KIF14: variants seen among roughly 807,000 people sequenced by gnomAD.
KIF14 encodes the protein kinesin-like protein KIF14.
Under a neutral mutation model 176.2 loss-of-function variants are expected in KIF14, and 98 were observed. That is an observed-to-expected ratio of 0.56 (90% CI 0.47 to 0.66). KIF14 has a LOEUF of 0.66. Among genes scored for constraint, KIF14 ranks in the 30% least tolerant of loss-of-function variants. The pLI is 0.00. For synonymous variants in KIF14, 566 were observed against 632.2 expected, an observed-to-expected ratio of 0.90 and a Z score of 1.57; for missense variants, 1,751 against 1,920.4, an observed-to-expected ratio of 0.91 and a Z score of 1.65.
At chr1:200,591,469 T>G (rs1659048098) in intron 16 of KIF14, among the ~76,000 whole-genome samples, 2 of 152,252 alleles carry the variant, frequency 1.3e-5, no homozygotes, top group Admixed American at 1.3e-4. Context: ...TCAAAATTCT[T>G]TAATGTTTCC....
At chr1:200,611,306 G>GA (rs1660144154) in intron 4 of KIF14, among the ~76,000 whole-genome samples, 1 of 152,186 alleles carries the variant, frequency 6.6e-6, no homozygotes, top group Non-Finnish European at 1.5e-5. Context: ...GGAGCTGTGG[G>GA]AAAATATGAG....
At chr1:200,567,814 A>T (rs1309617404) in intron 23 of KIF14, among the ~76,000 whole-genome samples, 2 of 151,922 alleles carry the variant, frequency 1.3e-5, no homozygotes, top group Non-Finnish European at 2.9e-5. Context: ...ATATTAAAAA[A>T]CTAGAACAAA....
At chr1:200,575,426 CAT>C (rs758484151) in intron 22 of KIF14, among the ~76,000 whole-genome samples, 163 bp downstream of exon 22, 28 of 152,072 alleles carry the variant, frequency 1.8e-4, no homozygotes, top group Non-Finnish European at 3.7e-4. Flanking sequence ...TGACCAATAA[CAT>C]ATTATTCCTC....
intron 14 of KIF14, among the ~76,000 whole-genome samples, chr1:200,596,843 C>T (rs750117340): frequency 1.7e-4 from 25 of 147,486 alleles, no homozygotes; most frequent in Non-Finnish European, 2.8e-4. Context: ...GGATTATAGG[C>T]GTGAGCCACC....
At chr1:200,562,082 C>T (rs139948489) in intron 25 of KIF14, among the ~76,000 whole-genome samples, 2 of 152,284 alleles carry the variant, frequency 1.3e-5, no homozygotes, top group East Asian at 1.9e-4. Flanking sequence ...TTTCTCCTGG[C>T]CTGCTTTGGG....
intron 4 of KIF14, 25 bp downstream of exon 4, chr1:200,614,293 G>C (rs1258413849): frequency 7.9e-7 from 1 of 1,258,152 alleles, no homozygotes. Context: ...CTGAAAAGAA[G>C]CTTGCAGGTA....
intron 25 of KIF14, among the ~76,000 whole-genome samples, chr1:200,561,844 C>T (rs116238849): frequency 2.2e-4 from 33 of 152,208 alleles, no homozygotes; most frequent in African/African-American, 7.2e-4. Flanking sequence ...TGAACTTTTC[C>T]TGTTCTGATA....
rs16846885 is a variant in KIF14 at position 200,556,262 on chromosome 1, A to C, written c.4354-808T>G. Among the ~76,000 whole-genome samples, 1,205 of 152,164 alleles carry C rather than the reference A, an allele frequency of 7.9e-3. 11 individuals carry two copies. Among genetic ancestry groups the C allele is most frequent in the African/African-American group, 0.026 (1,079 of 41,512 alleles). On this transcript the variant is annotated intron_variant, in intron 27 of 29. Coordinates refer to ENST00000367350, the MANE Select transcript of KIF14 (RefSeq NM_014875.3). ...TTTCAGTGTTTAATTGGCTTTACTC[A>C]CAGAGAGCTTCCCTAGCCCTAATTC...
chr1:200,559,528 A>G, intron 26 of KIF14, 76 bp from the exon 27 acceptor site: 1 of 791,992 alleles, frequency 1.3e-6, no homozygotes, highest in Non-Finnish European at 1.8e-6. Flanking sequence ...TAGGTTTTAT[A>G]TATTTTAAAT....
intron 1 of KIF14, among the ~76,000 whole-genome samples, chr1:200,619,809 C>T (rs1660598496): frequency 6.6e-6 from 1 of 152,132 alleles, no homozygotes; most frequent in Non-Finnish European, 1.5e-5. Flanking sequence ...GACAACCTGC[C>T]CTTTAGCAGT....
chr1:200,555,393 G>T lies in KIF14; in HGVS notation c.4415C>A (p.Ala1472Asp). ...GLIRSLENIFAESKIKSFRRQ... is the reference protein window; with the variant it reads ...GLIRSLENIFDESKIKSFRRQ... ...AGCTTCTCTTACAATTTTCGATTCA[G>T]CAAAGATGTTTTCAAGAGATCTAAT... The change falls in exon 28 of 30, where the codon GCT (alanine) becomes GAT (aspartate). Residue 1472 changes from alanine to aspartate, a missense_variant. By Grantham distance (126) the Ala-to-Asp change is moderately radical. Transcript: ENST00000367350. The T allele has an allele frequency of 6.3e-7, 1 of 1,577,872 alleles. No homozygotes were observed. Among genetic ancestry groups the T allele is most frequent in the Non-Finnish European group, 8.6e-7 (1 of 1,160,498 alleles).
chr1:200,599,160 G>A (rs886512102), intron 13 of KIF14, among the ~76,000 whole-genome samples: 2 of 152,074 alleles, frequency 1.3e-5, no homozygotes, highest in Non-Finnish European at 2.9e-5. Flanking sequence ...TCTCGAAAGG[G>A]TGCTCTCAAA....
chr1:200,608,507 T>C (rs1243531022), intron 5 of KIF14, among the ~76,000 whole-genome samples: 1 of 151,842 alleles, frequency 6.6e-6, no homozygotes, highest in African/African-American at 2.4e-5. Context: ...GGACTATAGG[T>C]GCAATCCGCC....
intron 23 of KIF14, among the ~76,000 whole-genome samples, chr1:200,567,368 C>T (rs997672104): frequency 4.0e-5 from 6 of 151,792 alleles, no homozygotes; most frequent in South Asian, 4.2e-4. Flanking sequence ...AGTGAAACCC[C>T]GTCTCTACTA....
rs1432713689 is a variant in KIF14, at chr1:200,555,407, A to T, written c.4401T>A (p.Leu1467=). The change falls in exon 28 of 30, where the codon CTT becomes CTA. Residue 1467 remains leucine, a synonymous_variant. Transcript: ENST00000367350. ...TTTTCGATTCAGCAAAGATGTTTTC[A>T]AGAGATCTAATCAATCCCATGGCAT... ...KTNAMGLIRS[L]ENIFAESKIK... is the part of the protein sequence containing the mutation. 7 of 1,582,046 alleles carry T rather than the reference A, an allele frequency of 4.4e-6. No homozygotes were observed. The highest frequency in any genetic ancestry group is 6.0e-6 in the Non-Finnish European group (7 of 1,163,956).
chr1:200,565,697 A>G, intron 23 of KIF14, 28 bp from the exon 24 acceptor site: 2 of 1,453,338 alleles, frequency 1.4e-6, no homozygotes, highest in South Asian at 2.6e-5. Context: ...AGCCATTTTA[A>G]GCTTGTTTTC....
At chr1:200,600,969 G>A (rs1301452452) in intron 11 of KIF14, among the ~76,000 whole-genome samples, 10 of 151,310 alleles carry the variant, frequency 6.6e-5, no homozygotes, top group African/African-American at 1.5e-4. Flanking sequence ...TGCAACCTCC[G>A]CCTCCTGGGC....
chr1:200,619,732 G>A (rs955251277), intron 1 of KIF14, among the ~76,000 whole-genome samples: 3 of 152,224 alleles, frequency 2.0e-5, no homozygotes, highest in Non-Finnish European at 2.9e-5. Context: ...AAGTACCACA[G>A]GCAGTAAGTA....
chr1:200,604,059 T>C, intron 8 of KIF14, 104 bp from the exon 9 acceptor site: 1 of 685,000 alleles, frequency 1.5e-6, no homozygotes, highest in Non-Finnish European at 2.5e-6. Flanking sequence ...CTCTTTTATT[T>C]TTTAAATAGT....
Sources: allele counts gnomAD v4.1 joint callset (sites outside exome capture counted in the v4.1 genomes callset), GRCh38; gene constraint gnomAD v4.1.1; transcripts MANE v1.5; gene names NCBI Gene and HGNC (gene_info 2026-07-23, HGNC 2026-07-21).